SLC30A9: variants seen among roughly 807,000 people sequenced by gnomAD.
The protein encoded by SLC30A9 is proton-coupled zinc antiporter SLC30A9, mitochondrial.
A neutral mutation model predicts 87.5 loss-of-function variants in SLC30A9; 58 were observed. The observed-to-expected ratio is 0.66, with a 90% CI of 0.54 to 0.82. The LOEUF (loss-of-function observed/expected upper bound fraction) is 0.82, where lower values mean the gene tolerates loss of function less well. Ranked by LOEUF, SLC30A9 falls within the 40% of genes least tolerant of loss-of-function variation. The pLI is 0.00. For missense variants in SLC30A9, 557 were observed against 679.1 expected (o/e 0.82, Z 2.00); for synonymous variants, 234 against 233.0 (o/e 1.00, Z -0.04).
In SLC30A9 at chr4:42,020,431, A is replaced by AG; in HGVS notation, c.351dup (p.Lys118GlufsTer12). 6.5e-7 allele frequency: 1 copy of AG among 1,549,164 alleles called. No homozygotes were observed. The highest frequency in any genetic ancestry group is 8.9e-7 in the Non-Finnish European group (1 of 1,124,946). ...TTTTGTTTAGTTAAAGCAGTCCTTA[A>AG]GAAAAGGGAGTATGGCTCAAAGTAC... On this transcript the variant is annotated frameshift_variant, in exon 4 of 18. Coordinates refer to ENST00000264451, the MANE Select transcript of SLC30A9 (RefSeq NM_006345.4). LOFTEE classifies it high-confidence loss of function.
intron 2 of SLC30A9, among the ~76,000 whole-genome samples, chr4:42,006,722 G>A (rs1446587654): frequency 6.6e-6 from 1 of 150,470 alleles, no homozygotes; most frequent in Non-Finnish European, 1.5e-5. Context: ...TGGATGTGTG[G>A]TGAATGGTGG....
At chr4:42,045,766 A>C (rs550148712) in intron 8 of SLC30A9, among the ~76,000 whole-genome samples, 5 of 150,410 alleles carry the variant, frequency 3.3e-5, no homozygotes, top group Non-Finnish European at 7.5e-5. Context: ...AGAGACACAC[A>C]AAAAAAAGAA....
chr4:42,081,063 C>G (rs1366429460), intron 17 of SLC30A9, among the ~76,000 whole-genome samples: 1 of 152,106 alleles, frequency 6.6e-6, no homozygotes, highest in Admixed American at 6.5e-5. Context: ...TCATTTTGTT[C>G]ATTTTTTAGG....
intron 14 of SLC30A9, among the ~76,000 whole-genome samples, chr4:42,068,072 TACTC>T (rs1340299841): frequency 6.6e-6 from 1 of 152,240 alleles, no homozygotes; most frequent in Non-Finnish European, 1.5e-5. Context: ...CTATTGCTGA[TACTC>T]ACTGATTCAC....
chr4:42,085,053 C>G (rs1284256123), intron 17 of SLC30A9, among the ~76,000 whole-genome samples: 1 of 152,230 alleles, frequency 6.6e-6, no homozygotes, highest in Non-Finnish European at 1.5e-5. Context: ...TTCTGCCTGT[C>G]TTTCCAGCCT....
intron 8 of SLC30A9, among the ~76,000 whole-genome samples, chr4:42,043,919 A>G (rs1415228322): frequency 9.2e-5 from 14 of 152,234 alleles, no homozygotes; most frequent in Non-Finnish European, 2.9e-5. Flanking sequence ...AATATTCAAC[A>G]TTCTTAAAGA....
At chr4:42,066,282 G>A (rs571489942) in intron 12 of SLC30A9, among the ~76,000 whole-genome samples, 1 of 152,308 alleles carries the variant, frequency 6.6e-6, no homozygotes, top group African/African-American at 2.4e-5. Context: ...AGAAATGAAT[G>A]TGGTTAGTGT....
At chr4:41,991,565 C>T (rs1190253942) in intron 1 of SLC30A9, among the ~76,000 whole-genome samples, 1 of 152,204 alleles carries the variant, frequency 6.6e-6, no homozygotes, top group Non-Finnish European at 1.5e-5. Flanking sequence ...GAAGACAGAA[C>T]TAAGTCCACC....
chr4:42,017,245 C>T (rs567204754), intron 2 of SLC30A9, among the ~76,000 whole-genome samples: 1 of 151,900 alleles, frequency 6.6e-6, no homozygotes, highest in Non-Finnish European at 1.5e-5. Context: ...GCAAGATTGT[C>T]CTTCCTATTT....
Position 42,086,670 on chromosome 4 carries a change from A to C in SLC30A9, c.*544A>C, listed in dbSNP as rs915022798. The C allele has an allele frequency of 6.5e-6, 1 of 152,684 alleles. No homozygotes were observed. The highest frequency in any genetic ancestry group is 1.5e-5 in the Non-Finnish European group (1 of 68,062). 9.5% of individuals were successfully genotyped at this position (152,684 alleles called of 1,614,324 possible). ...ACCTTGTGATTTTGACCTGAGTGCT[A>C]AGAGAATCACTCTCCTTACCTAGTT... On this transcript the variant is annotated 3_prime_UTR_variant, in exon 18 of 18. Transcript: ENST00000264451.
intron 1 of SLC30A9, among the ~76,000 whole-genome samples, chr4:41,993,348 G>A (rs1332559752): frequency 6.6e-6 from 1 of 152,016 alleles, no homozygotes; most frequent in Non-Finnish European, 1.5e-5. Flanking sequence ...GACTAACCAC[G>A]TTTTAAGTGC....
intron 9 of SLC30A9, among the ~76,000 whole-genome samples, chr4:42,058,546 G>A (rs183090066): frequency 9.7e-4 from 147 of 152,272 alleles, no homozygotes; most frequent in African/African-American, 2.5e-3. Context: ...CCAATTTACT[G>A]TATTATTCTG....
At chr4:42,063,861 T>G (rs895198560) in intron 11 of SLC30A9, among the ~76,000 whole-genome samples, 1 of 152,138 alleles carries the variant, frequency 6.6e-6, no homozygotes, top group Non-Finnish European at 1.5e-5. Flanking sequence ...TCTCATGGTG[T>G]GGTTTCCAGA....
intron 16 of SLC30A9, among the ~76,000 whole-genome samples, chr4:42,077,687 A>G (rs1015204009): frequency 2.0e-5 from 3 of 152,032 alleles, no homozygotes; most frequent in African/African-American, 4.8e-5. Context: ...TATATATGCA[A>G]TTATTTTTTT....
At chr4:42,006,740 AG>A (rs1715220488) in intron 2 of SLC30A9, among the ~76,000 whole-genome samples, 1 of 151,214 alleles carries the variant, frequency 6.6e-6, no homozygotes, top group Non-Finnish European at 1.5e-5. Context: ...TGGAAAAAGG[AG>A]GTAAAATTCC....
intron 1 of SLC30A9, among the ~76,000 whole-genome samples, chr4:41,999,232 G>A (rs1714875125): frequency 6.6e-6 from 1 of 152,044 alleles, no homozygotes; most frequent in African/African-American, 2.4e-5. Flanking sequence ...TTTGAGAACT[G>A]GTAAATAAAG....
intron 8 of SLC30A9, among the ~76,000 whole-genome samples, chr4:42,041,059 A>C (rs2153137610): frequency 6.6e-6 from 1 of 152,264 alleles, no homozygotes; most frequent in Non-Finnish European, 1.5e-5. Flanking sequence ...GGCAGCAGGC[A>C]AATAGAGCTT....
intron 2 of SLC30A9, among the ~76,000 whole-genome samples, chr4:42,014,183 A>G (rs1715592131): frequency 6.6e-6 from 1 of 152,200 alleles, no homozygotes; most frequent in Non-Finnish European, 1.5e-5. Context: ...ATAATAAGAT[A>G]TCATCTCACT....
intron 2 of SLC30A9, among the ~76,000 whole-genome samples, chr4:42,014,521 C>T (rs543921515): frequency 6.7e-6 from 1 of 149,818 alleles, no homozygotes; most frequent in East Asian, 2.0e-4. Flanking sequence ...CGTGCTGCTG[C>T]ACTCCAGCCT....
Sources: gnomAD v4.1 joint callset for allele counts (sites outside exome capture counted in the v4.1 genomes callset) on GRCh38, gnomAD v4.1.1 for gene constraint, MANE v1.5 for transcripts, NCBI Gene and HGNC (gene_info 2026-07-23, HGNC 2026-07-21) for gene names.